ST3GAL4: variants seen among roughly 807,000 people sequenced by gnomAD.
The protein encoded by ST3GAL4 is CMP-N-acetylneuraminate-beta-galactosamide-alpha-2,3-sialyltransferase 4.
A neutral mutation model predicts 42.6 loss-of-function variants in ST3GAL4; 24 were observed. The observed-to-expected ratio is 0.56, with a 90% confidence interval of 0.41 to 0.79. The LOEUF is 0.79. Among genes scored for constraint, ST3GAL4 ranks in the 30% least tolerant of loss-of-function variants. The pLI, the probability that ST3GAL4 is intolerant of heterozygous loss-of-function variation, is 0.00. For missense variants in ST3GAL4, 311 were observed against 430.8 expected (o/e 0.72, Z 2.46); for synonymous variants, 135 against 163.2 (o/e 0.83, Z 1.32).
At chr11:126,356,516 C>G (rs1367040632) in intron 1 of ST3GAL4, among the ~76,000 whole-genome samples, 6 of 152,260 alleles carry the variant, frequency 3.9e-5, no homozygotes, top group Non-Finnish European at 1.5e-5. Context: ...GCCAACATGT[C>G]TGCCAGCACT....
chr11:126,400,713 A>G lies in ST3GAL4; in HGVS notation c.-60-5383A>G, dbSNP rs1221466557. 6.6e-6 allele frequency among the ~76,000 whole-genome samples: 1 copy of G among 152,190 alleles called. No individual in the cohort carries two copies. The highest frequency in any genetic ancestry group is 1.5e-5 in the Non-Finnish European group (1 of 68,042). ...TTTCGAAGAAGGGGCATGAGTGAGG[A>G]AACAGTTGTGGTGAAGAGACCAGTT... On this transcript the variant is annotated intron_variant, in intron 1 of 10. Coordinates refer to ENST00000444328, the MANE Select transcript of ST3GAL4 (RefSeq NM_001254757.2). The surrounding 1 kb of genome is among the most constrained non-coding windows in gnomAD (Gnocchi z 4.6).
intron 1 of ST3GAL4, among the ~76,000 whole-genome samples, chr11:126,381,455 G>A (rs1952998503): frequency 6.6e-6 from 1 of 151,404 alleles, no homozygotes; most frequent in Non-Finnish European, 1.5e-5. Context: ...AGGAAAGGAG[G>A]AGGAGGTGGA....
Position 126,398,254 on chromosome 11 carries a change from C to T in ST3GAL4, c.-60-7842C>T, listed in dbSNP as rs556270201. ...TGGGACAGGCATAGGACAGATATTC[C>T]ATTCCAAAAGGGAGAGATAGGCAAG... is the stretch of plus-strand genomic sequence containing the variant. On this transcript the variant is annotated intron_variant, in intron 1 of 10. Coordinates refer to ENST00000444328, the MANE Select transcript of ST3GAL4 (RefSeq NM_001254757.2). This position sits in a 1 kb window ranked among gnomAD's most constrained non-coding sequence, Gnocchi z 4.7. Among the ~76,000 whole-genome samples the T allele has an allele frequency of 6.6e-6, 1 of 152,326 alleles. No homozygotes were observed. Among genetic ancestry groups the T allele is most frequent in the Non-Finnish European group, 1.5e-5 (1 of 68,020 alleles).
Position 126,409,338 on chromosome 11 carries a change from A to AC in ST3GAL4, c.702dup (p.Phe235LeufsTer8). 6.2e-7 allele frequency: 1 copy of AC among 1,614,084 alleles called. No homozygotes were observed. Among genetic ancestry groups the AC allele is most frequent in the Non-Finnish European group, 8.5e-7 (1 of 1,180,018 alleles). ...AATCCTAAACAGATTCGGATTCTCAACCCCTTCTTCATGGAGATTGCAGCT... is the reference window on the plus strand; with the variant it reads ...AATCCTAAACAGATTCGGATTCTCAACCCCCTTCTTCATGGAGATTGCAGCT... On this transcript the variant is annotated frameshift_variant, in exon 9 of 11. Transcript: ENST00000444328. LOFTEE classifies it high-confidence loss of function. The surrounding 1 kb of genome is among the most constrained non-coding windows in gnomAD (Gnocchi z 4.9).
chr11:126,403,400 A>G (rs1161293865), intron 1 of ST3GAL4: 3 of 985,312 alleles, frequency 3.0e-6, no homozygotes, highest in Admixed American at 1.2e-4. Flanking sequence ...GCCCTGGAGG[A>G]TACCTGTGTA....
Position 126,405,613 on chromosome 11 carries a change from C to T in ST3GAL4, c.-60-483C>T, listed in dbSNP as rs549612894. ...TTTGGCTGGATTGATGATGGAGAGG[C>T]AGGCAGTGACCAGACCAAGAGACGC... On this transcript the variant is annotated intron_variant, in intron 1 of 10. Transcript: ENST00000444328. 2.3e-5 allele frequency: 4 copies of T among 176,534 alleles called. No homozygotes were observed. The South Asian group carries it at 5.3e-4, about 23-fold the overall frequency. 10.9% of individuals were successfully genotyped at this position (176,534 alleles called of 1,614,324 possible).
Position 126,407,369 on chromosome 11 carries a change from G to T in ST3GAL4, c.280+20G>T, listed in dbSNP as rs374093253. 1.2e-6 allele frequency: 2 copies of T among 1,611,498 alleles called. No homozygotes were observed. The highest frequency in any genetic ancestry group is 1.7e-5 in the Admixed American group (1 of 60,020). ...GGAGTGGTAAGTTCCTACCCGGCTCGTGGGAACCATGGGCTCACCCTGACC... is the reference window on the plus strand; with the variant it reads ...GGAGTGGTAAGTTCCTACCCGGCTCTTGGGAACCATGGGCTCACCCTGACC... On this transcript the variant is annotated intron_variant, in intron 5 of 10. Coordinates refer to ENST00000444328, the MANE Select transcript of ST3GAL4 (RefSeq NM_001254757.2).
At chr11:126,407,500 G>T (rs756022323) in intron 5 of ST3GAL4, 74 bp from the exon 6 acceptor site, 9 of 1,588,542 alleles carry the variant, frequency 5.7e-6, no homozygotes, top group Non-Finnish European at 7.8e-6. Flanking sequence ...GCTCTGAGGA[G>T]CAGTGGAGGG....
rs1952933782 is a variant in ST3GAL4 at position 126,379,825 on chromosome 11, C to CT, written c.-61+23984dup. Among the ~76,000 whole-genome samples the CT allele has an allele frequency of 6.6e-6, 1 of 152,166 alleles. No individual in the cohort carries two copies. On this transcript the variant is annotated intron_variant, in intron 1 of 10. Transcript: ENST00000444328. This position sits in a 1 kb window ranked among gnomAD's most constrained non-coding sequence, Gnocchi z 4.2. ...CATGTGGATTGACAAGTCCAAAACT[C>CT]TAAGAGAGCTCTCATTAGCTGTGAA...
In ST3GAL4 at chr11:126,409,622, T is replaced by G. The variant is rs1391490397; in HGVS notation, c.771+211T>G. ...GGGGCATTTACTAAGTGGGGAGGGA[T>G]GGGGATGGCCTGGATCAGGTTTAGG... is the stretch of plus-strand genomic sequence containing the variant. On this transcript the variant is annotated intron_variant, in intron 9 of 10. Transcript: ENST00000444328. This position sits in a 1 kb window ranked among gnomAD's most constrained non-coding sequence, Gnocchi z 4.9. Among the ~76,000 whole-genome samples the G allele has an allele frequency of 6.6e-6, 1 of 151,916 alleles. No individual in the cohort carries two copies. The highest frequency in any genetic ancestry group is 1.9e-4 in the East Asian group (1 of 5,178).
intron 1 of ST3GAL4, among the ~76,000 whole-genome samples, chr11:126,390,757 AC>A (rs1262087535): frequency 6.6e-6 from 1 of 151,702 alleles, no homozygotes; most frequent in African/African-American, 2.4e-5. Flanking sequence ...AGAATGTGCT[AC>A]CGTGCTACCA....
In ST3GAL4 at chr11:126,406,709, A is replaced by G. The variant is rs537375807; in HGVS notation, c.101+152A>G. ...TCAGCTGCTGGTACGGAGTGTTTCC[A>G]TGAGGGTGGGTGGGGGTAGGGCCTG... is the stretch of plus-strand genomic sequence containing the variant. On this transcript the variant is annotated intron_variant, in intron 3 of 10. Transcript: ENST00000444328. The surrounding 1 kb of genome is among the most constrained non-coding windows in gnomAD (Gnocchi z 5.4). The G allele has an allele frequency of 1.4e-5, 6 of 432,972 alleles. No individual in the cohort carries two copies. Among genetic ancestry groups the G allele is most frequent in the Non-Finnish European group, 2.2e-5 (5 of 229,916 alleles). The allele number at this position is 432,972 out of a possible 1,614,324, so 26.8% of individuals were successfully genotyped here.
chr11:126,385,314 G>A (rs1265316747), intron 1 of ST3GAL4, among the ~76,000 whole-genome samples: 6 of 151,750 alleles, frequency 4.0e-5, no homozygotes, highest in African/African-American at 1.2e-4. Flanking sequence ...CACCACACCC[G>A]GCTAATTTTT....
At chr11:126,403,479 CAG>C (rs992387152) in intron 1 of ST3GAL4, 1 of 981,170 alleles carries the variant, frequency 1.0e-6, no homozygotes, top group African/African-American at 1.8e-5. Context: ...TTTAGAATCA[CAG>C]AGGAGGTACG....
chr11:126,406,691 C>G lies in ST3GAL4; in HGVS notation c.101+134C>G. 1 of 780,038 alleles carries G rather than the reference C, an allele frequency of 1.3e-6. No individual in the cohort carries two copies. Among genetic ancestry groups the G allele is most frequent in the Non-Finnish European group, 1.9e-6 (1 of 524,108 alleles). 48.3% of individuals were successfully genotyped at this position (780,038 alleles called of 1,614,324 possible). A position where few individuals can be genotyped will look rare whatever the true frequency, so the allele number is the denominator to read the frequency against. On this transcript the variant is annotated intron_variant, in intron 3 of 10. Transcript: ENST00000444328. This position sits in a 1 kb window ranked among gnomAD's most constrained non-coding sequence, Gnocchi z 5.4. ...GCACATGACCTCATCCCTTCAGCTGCTGGTACGGAGTGTTTCCATGAGGGT... is the reference window on the plus strand; with the variant it reads ...GCACATGACCTCATCCCTTCAGCTGGTGGTACGGAGTGTTTCCATGAGGGT...
intron 1 of ST3GAL4, among the ~76,000 whole-genome samples, chr11:126,381,385 A>C (rs1952996174): frequency 6.6e-6 from 1 of 152,036 alleles, no homozygotes; most frequent in Non-Finnish European, 1.5e-5. Context: ...TTGGTTTGAC[A>C]ACAAAGCTCC....
At position 126,384,197 on chromosome 11, in the gene ST3GAL4, G is replaced by A. The variant is rs1177215557; in HGVS notation, c.-60-21899G>A. ...TTCATCAAGTGCCAGGCTGACCATGGTGTCCGTCTCAGTGCCCAGCAGTTG... is the reference window on the plus strand; with the variant it reads ...TTCATCAAGTGCCAGGCTGACCATGATGTCCGTCTCAGTGCCCAGCAGTTG... On this transcript the variant is annotated intron_variant, in intron 1 of 10. Coordinates refer to ENST00000444328, the MANE Select transcript of ST3GAL4 (RefSeq NM_001254757.2). The surrounding 1 kb of genome is among the most constrained non-coding windows in gnomAD (Gnocchi z 5.5). 5.3e-5 allele frequency among the ~76,000 whole-genome samples: 8 copies of A among 152,212 alleles called. No individual in the cohort carries two copies. Among genetic ancestry groups the A allele is most frequent in the Admixed American group, 2.6e-4 (4 of 15,282 alleles).
At chr11:126,380,534 A>G (rs1244900978) in intron 1 of ST3GAL4, among the ~76,000 whole-genome samples, 1 of 152,164 alleles carries the variant, frequency 6.6e-6, no homozygotes, top group Non-Finnish European at 1.5e-5. Context: ...GTCGGTGATA[A>G]TTCTTTTGGC....
At position 126,406,183 on chromosome 11, in the gene ST3GAL4, C is replaced by A. The variant is rs1391114955; in HGVS notation, c.16+12C>A. ...GGTCAGCAAGTCCCGTGAGTGTCAT[C>A]CGAGGGCTCCCCCACCCTGGAGGAC... On this transcript the variant is annotated intron_variant, in intron 2 of 10. Coordinates refer to ENST00000444328, the MANE Select transcript of ST3GAL4 (RefSeq NM_001254757.2). This position sits in a 1 kb window ranked among gnomAD's most constrained non-coding sequence, Gnocchi z 5.4. 6.4e-7 allele frequency: 1 copy of A among 1,557,324 alleles called. No homozygotes were observed.
Sources: allele counts gnomAD v4.1 joint callset (sites outside exome capture counted in the v4.1 genomes callset), GRCh38; gene constraint gnomAD v4.1.1; non-coding constraint Gnocchi (gnomAD v3.1); transcripts MANE v1.5; gene names NCBI Gene and HGNC (gene_info 2026-07-23, HGNC 2026-07-21).